ABHD16A: variants seen among roughly 807,000 people sequenced by gnomAD.
ABHD16A encodes phosphatidylserine lipase ABHD16A.
In ABHD16A, 47 loss-of-function variants were observed where a neutral mutation model predicts 89.8. The ratio of observed to expected loss-of-function variants is 0.52; its 90% confidence interval spans 0.41 to 0.67. The LOEUF (loss-of-function observed/expected upper bound fraction) is 0.67. Ranked by LOEUF, ABHD16A falls within the 30% of genes least tolerant of loss-of-function variation. The pLI, the probability that ABHD16A is intolerant of heterozygous loss-of-function variation, is 0.00. For missense variants in ABHD16A, 580 were observed against 734.6 expected (o/e 0.79, Z 2.43); for synonymous variants, 251 against 280.4 (o/e 0.90, Z 1.05).
rs1387736624 is a variant in ABHD16A, at chr6:31,690,921, T to C, written c.844-319A>G. On this transcript the variant is annotated intron_variant, in intron 9 of 19. Transcript: ENST00000395952. The surrounding 1 kb of genome is among the most constrained non-coding windows in gnomAD (Gnocchi z 4.1). ...TCTCGTTTTCGGGTCTGTTATCTTC[T>C]GTGACCATTGCTATTGTGTGGTATG... Among the ~76,000 whole-genome samples, 1 of 152,228 alleles carries C rather than the reference T, an allele frequency of 6.6e-6. No homozygotes were observed. Among genetic ancestry groups the C allele is most frequent in the Non-Finnish European group, 1.5e-5 (1 of 68,044 alleles).
Position 31,687,508 on chromosome 6 carries a change from G to C in ABHD16A, c.1583C>G (p.Ala528Gly). 4 of 1,613,040 alleles carry C rather than the reference G, an allele frequency of 2.5e-6. No homozygotes were observed. The highest frequency in any genetic ancestry group is 3.4e-6 in the Non-Finnish European group (4 of 1,180,000). The change falls in exon 19 of 20, where the codon GCT (alanine) becomes GGT (glycine). Residue 528 changes from alanine (A) to glycine (G), a missense_variant. Physicochemically the swap from Ala to Gly is moderately conservative, Grantham distance 60. Coordinates refer to ENST00000395952, the MANE Select transcript of ABHD16A (RefSeq NM_021160.3). The surrounding 1 kb of genome is among the most constrained non-coding windows in gnomAD (Gnocchi z 6.3). ...DMSADGRRQLALFLARKHLHN... is the reference protein window; with the variant it reads ...DMSADGRRQLGLFLARKHLHN... Reference sequence around the variant, plus strand: ...CACTCCTTAGCTCACCAGAAACAAAGCCAGCTGCCGCCGTCCATCTGCACT... The same window carrying C: ...CACTCCTTAGCTCACCAGAAACAAACCCAGCTGCCGCCGTCCATCTGCACT...
chr6:31,690,084 T>C lies in ABHD16A; in HGVS notation c.951A>G (p.Gly317=). 1 of 1,598,436 alleles carries C rather than the reference T, an allele frequency of 6.3e-7. No individual in the cohort carries two copies. The highest frequency in any genetic ancestry group is 1.1e-5 in the South Asian group (1 of 89,132). Residue 317 remains glycine (G), a synonymous_variant, in exon 11 of 20, where the codon GGA becomes GGG. Coordinates refer to ENST00000395952, the MANE Select transcript of ABHD16A (RefSeq NM_021160.3). The surrounding 1 kb of genome is among the most constrained non-coding windows in gnomAD (Gnocchi z 4.1). The stretch of plus-strand genomic sequence containing the variant: ...ATTCCTGAGATGGTCTCACCGTGCT[T>C]CCAGCAAAGCCTGGATGATTCCAGC... The part of the protein sequence containing the change: ...VLGWNHPGFA[G]STGVPFPQNE...
intron 7 of ABHD16A, 71 bp downstream of exon 7, chr6:31,692,956 C>T (rs764402437): frequency 9.9e-5 from 159 of 1,598,994 alleles, no homozygotes; most frequent in Non-Finnish European, 1.2e-4. Flanking sequence ...TACAATGGAG[C>T]GCCCACTCCC....
rs1803517962 is a variant in ABHD16A, at chr6:31,688,394, T to C, written c.1251-89A>G. ...CCTATCCCTGCACTGGTAGCATTCTTACCCTCCCCTTGCTATAGCACAGCC... is the reference window on the plus strand; with the variant it reads ...CCTATCCCTGCACTGGTAGCATTCTCACCCTCCCCTTGCTATAGCACAGCC... On this transcript the variant is annotated intron_variant, in intron 14 of 19. Coordinates refer to ENST00000395952, the MANE Select transcript of ABHD16A (RefSeq NM_021160.3). The surrounding 1 kb of genome is among the most constrained non-coding windows in gnomAD (Gnocchi z 4.9). 25 of 1,335,194 alleles carry C rather than the reference T, an allele frequency of 1.9e-5. No homozygotes were observed. The South Asian group carries it at 2.5e-4, about 13-fold the overall frequency. 82.7% of individuals were successfully genotyped at this position (1,335,194 alleles called of 1,614,324 possible). A position where few individuals can be genotyped will look rare whatever the true frequency, so the allele number is the denominator to read the frequency against.
At position 31,690,634 on chromosome 6, in the gene ABHD16A, G is replaced by T; in HGVS notation, c.844-32C>A. ...AGGAGGCAGGAAGGAAGGGCTGGGG[G>T]GCCAAGTTGGGACTGAAAAACTCCC... On this transcript the variant is annotated intron_variant, in intron 9 of 19. Transcript: ENST00000395952. This position sits in a 1 kb window ranked among gnomAD's most constrained non-coding sequence, Gnocchi z 4.1. 6.2e-7 allele frequency: 1 copy of T among 1,608,606 alleles called. No homozygotes were observed. Among genetic ancestry groups the T allele is most frequent in the Non-Finnish European group, 8.5e-7 (1 of 1,176,308 alleles).
chr6:31,695,707 G>C (rs1339321358), intron 5 of ABHD16A, among the ~76,000 whole-genome samples: 1 of 148,826 alleles, frequency 6.7e-6, no homozygotes, highest in Non-Finnish European at 1.5e-5. Context: ...TGGGCAACAA[G>C]AGCGAAACTC....
chr6:31,701,978 C>T, intron 2 of ABHD16A, 96 bp downstream of exon 2: 1 of 1,418,866 alleles, frequency 7.0e-7, no homozygotes, highest in Non-Finnish European at 9.9e-7. Context: ...ATCCCCCAAC[C>T]CCAGGGCACT....
In ABHD16A at chr6:31,688,229, C is replaced by T. The variant is rs370581249; in HGVS notation, c.1307+20G>A. 7.4e-6 allele frequency: 12 copies of T among 1,613,498 alleles called. No homozygotes were observed. Among genetic ancestry groups the T allele is most frequent in the South Asian group, 5.5e-5 (5 of 91,052 alleles). ...GGCCATCTCTGGGGTTCCTGAGGGC[C>T]GAGATTCCCACGCACTCACGTGGTG... On this transcript the variant is annotated intron_variant, in intron 15 of 19. Transcript: ENST00000395952. The surrounding 1 kb of genome is among the most constrained non-coding windows in gnomAD (Gnocchi z 4.9).
At position 31,690,255 on chromosome 6, in the gene ABHD16A, G is replaced by A. The variant is rs1803740432; in HGVS notation, c.908-128C>T. The stretch of plus-strand genomic sequence containing the variant: ...TAACTCCAAGCCTTCCCAGAAATAG[G>A]AGATGACACCAGAGGTTCTGAGGCA... On this transcript the variant is annotated intron_variant, in intron 10 of 19. Transcript: ENST00000395952. The surrounding 1 kb of genome is among the most constrained non-coding windows in gnomAD (Gnocchi z 4.1). 2.2e-6 allele frequency: 2 copies of A among 903,312 alleles called. No individual in the cohort carries two copies. The highest frequency in any genetic ancestry group is 3.3e-6 in the Non-Finnish European group (2 of 601,728). 56.0% of individuals were successfully genotyped at this position (903,312 alleles called of 1,614,324 possible).
Position 31,693,119 on chromosome 6 carries a change from C to T in ABHD16A, c.534G>A (p.Arg178=), listed in dbSNP as rs931697592. 1 of 1,613,940 alleles carries T rather than the reference C, an allele frequency of 6.2e-7. No homozygotes were observed. The highest frequency in any genetic ancestry group is 8.5e-7 in the Non-Finnish European group (1 of 1,179,910). Residue 178 remains arginine, a synonymous_variant, in exon 7 of 20, where the codon CGG becomes CGA. Coordinates refer to ENST00000395952, the MANE Select transcript of ABHD16A (RefSeq NM_021160.3). The surrounding 1 kb of genome is among the most constrained non-coding windows in gnomAD (Gnocchi z 5.0). ...GCTCTGGGCGAAGCAGGGCCACACC[C>T]CGGCGGGAAGGGCCCCCTCGAGACT... is the stretch of plus-strand genomic sequence containing the variant. ...RKESRGGPSR[R]GVALLRPEPL...
rs753824745 is a variant in ABHD16A, at chr6:31,703,209, C to A, written c.73G>T (p.Ala25Ser). Residue 25 changes from alanine to serine, a missense_variant, in exon 1 of 20, where the codon GCC becomes TCC. Physicochemically the swap from Ala to Ser is moderately conservative, Grantham distance 99. Transcript: ENST00000395952. Reference sequence around the variant, plus strand: ...GGCGTCTCAGGGACGCTGGCCGGGGCCCTTTCAGAGTCCCTCTCCCGGTAG... The same window carrying A: ...GGCGTCTCAGGGACGCTGGCCGGGGACCTTTCAGAGTCCCTCTCCCGGTAG... ...KIYRERDSER[A>S]PASVPETPTA... is the part of the protein sequence containing the mutation. 1.4e-6 allele frequency: 2 copies of A among 1,442,528 alleles called. No homozygotes were observed. The highest frequency in any genetic ancestry group is 1.8e-6 in the Non-Finnish European group (2 of 1,088,454). The allele number at this position is 1,442,528 out of a possible 1,614,324, so 89.4% of individuals were successfully genotyped here. A position where few individuals can be genotyped will look rare whatever the true frequency, so the allele number is the denominator to read the frequency against.
Position 31,693,081 on chromosome 6 carries a change from C to T in ABHD16A, c.572G>A (p.Gly191Glu). The T allele has an allele frequency of 1.2e-6, 2 of 1,614,156 alleles. No homozygotes were observed. The highest frequency in any genetic ancestry group is 1.7e-6 in the Non-Finnish European group (2 of 1,180,028). ...ALLRPEPLHR[G>E]TADTLLNRVK... Reference sequence around the variant, plus strand: ...CCGGTTGAGGAGGGTGTCTGCTGTCCCCCGGTGCAGGGGCTCTGGGCGAAG... The same window carrying T: ...CCGGTTGAGGAGGGTGTCTGCTGTCTCCCGGTGCAGGGGCTCTGGGCGAAG... Residue 191 changes from glycine to glutamate, a missense_variant, in exon 7 of 20, where the codon GGG (glycine) becomes GAG (glutamate). Physicochemically the swap from Gly to Glu is moderately conservative, Grantham distance 98. Around this residue, in one of 2 missense-constraint regions of ABHD16A, gnomAD observed 415 missense variants for 568.8 expected, o/e 0.73. Coordinates refer to ENST00000395952, the MANE Select transcript of ABHD16A (RefSeq NM_021160.3). The surrounding 1 kb of genome is among the most constrained non-coding windows in gnomAD (Gnocchi z 5.0).
Position 31,688,535 on chromosome 6 carries a change from C to T in ABHD16A, c.1250+188G>A. The T allele has an allele frequency of 2.4e-6, 2 of 825,612 alleles. No homozygotes were observed. The highest frequency in any genetic ancestry group is 3.4e-5 in the South Asian group (2 of 57,996). The allele number at this position is 825,612 out of a possible 1,614,324, so 51.1% of individuals were successfully genotyped here. ...GCCTTAACCCTTTGGTTGCCAGATCCTGAGGTGGTCCAGAGTCCCAGGGGA... is the reference window on the plus strand; with the variant it reads ...GCCTTAACCCTTTGGTTGCCAGATCTTGAGGTGGTCCAGAGTCCCAGGGGA... On this transcript the variant is annotated intron_variant, in intron 14 of 19. Transcript: ENST00000395952. This position sits in a 1 kb window ranked among gnomAD's most constrained non-coding sequence, Gnocchi z 4.9.
At chr6:31,701,944 G>A (rs1192842379) in intron 2 of ABHD16A, 130 bp downstream of exon 2, 6 of 912,010 alleles carry the variant, frequency 6.6e-6, no homozygotes, top group South Asian at 5.7e-5. Flanking sequence ...CTGTGTTGGA[G>A]AGGTCTGCTG....
intron 4 of ABHD16A, among the ~76,000 whole-genome samples, chr6:31,699,695 C>A (rs1160525449): frequency 6.6e-6 from 1 of 152,034 alleles, no homozygotes; most frequent in East Asian, 1.9e-4. Flanking sequence ...GCCTTAGCCT[C>A]CCAAGCAGTT....
chr6:31,689,019 G>T lies in ABHD16A; in HGVS notation c.1182C>A (p.Ser394Arg). The T allele has an allele frequency of 6.2e-7, 1 of 1,613,228 alleles. No homozygotes were observed. Among genetic ancestry groups the T allele is most frequent in the Non-Finnish European group, 8.5e-7 (1 of 1,179,490 alleles). Reference protein sequence around the residue: ...VPLALKVMPDSWRGLVTRTVR... With the variant: ...VPLALKVMPDRWRGLVTRTVR... Reference sequence around the variant, plus strand: ...AGGCCTGGGAGCTGCACTCACTCCAGCTGTCTGGCATGACCTTCAAGGCCA... The same window carrying T: ...AGGCCTGGGAGCTGCACTCACTCCATCTGTCTGGCATGACCTTCAAGGCCA... The change falls in exon 13 of 20, where the codon AGC becomes AGA. Residue 394 changes from serine (S) to arginine (R), a missense_variant. By Grantham distance (110) the Ser-to-Arg change is moderately radical (BLOSUM62 -1). Around this residue, in one of 2 missense-constraint regions of ABHD16A, gnomAD observed 415 missense variants for 568.8 expected, o/e 0.73. Coordinates refer to ENST00000395952, the MANE Select transcript of ABHD16A (RefSeq NM_021160.3).
In ABHD16A at chr6:31,690,002, C is replaced by T; in HGVS notation, c.957+76G>A. 6.8e-7 allele frequency: 1 copy of T among 1,462,414 alleles called. No homozygotes were observed. The highest frequency in any genetic ancestry group is 9.2e-7 in the Non-Finnish European group (1 of 1,086,552). 90.6% of individuals were successfully genotyped at this position (1,462,414 alleles called of 1,614,324 possible). ...CGCCTTCAAGAAATCCACAGCCCCT[C>T]TCCTCCCTCCAATGGCTGACCAGAG... is the stretch of plus-strand genomic sequence containing the variant. On this transcript the variant is annotated intron_variant, in intron 11 of 19. Transcript: ENST00000395952. The surrounding 1 kb of genome is among the most constrained non-coding windows in gnomAD (Gnocchi z 4.1).
chr6:31,690,707 A>G lies in ABHD16A; in HGVS notation c.844-105T>C. The G allele has an allele frequency of 9.9e-7, 1 of 1,012,596 alleles. No individual in the cohort carries two copies. Among genetic ancestry groups the G allele is most frequent in the Non-Finnish European group, 1.5e-6 (1 of 646,272 alleles). 62.7% of individuals were successfully genotyped at this position (1,012,596 alleles called of 1,614,324 possible). On this transcript the variant is annotated intron_variant, in intron 9 of 19. Transcript: ENST00000395952. This position sits in a 1 kb window ranked among gnomAD's most constrained non-coding sequence, Gnocchi z 4.1. ...TGAAGAGCTTTGCAGGGAAGAGGAA[A>G]GGGCAGGTTTCTGTTTTCTCCAAGG...
At chr6:31,689,466 A>C in intron 12 of ABHD16A, 115 bp downstream of exon 12, 2 of 1,354,628 alleles carry the variant, frequency 1.5e-6, no homozygotes, top group African/African-American at 1.5e-5. Flanking sequence ...CAGAGATTCT[A>C]CTTCCTCTCT....
Sources: allele counts gnomAD v4.1 joint callset (sites outside exome capture counted in the v4.1 genomes callset), GRCh38; gene constraint gnomAD v4.1.1; regional missense constraint gnomAD v4.1.1; non-coding constraint Gnocchi (gnomAD v3.1); transcripts MANE v1.5; gene names NCBI Gene and HGNC (gene_info 2026-07-23, HGNC 2026-07-21).